EFNA5: variants seen among roughly 807,000 people sequenced by gnomAD.
EFNA5 encodes the protein ephrin A5, also known as ephrin-A5.
EFNA5 carries 5 observed loss-of-function variants against 22.9 expected under a neutral mutation model. The ratio of observed to expected loss-of-function variants is 0.22; its 90% CI spans 0.11 to 0.46. The LOEUF (loss-of-function observed/expected upper bound fraction) is 0.46. Among genes scored for constraint, EFNA5 ranks in the 20% least tolerant of loss-of-function variants. The pLI is 0.99. For missense variants in EFNA5, 237 were observed against 293.3 expected, an observed-to-expected ratio of 0.81 and a Z score of 1.40; for synonymous variants, 113 against 112.2, an observed-to-expected ratio of 1.01 and a Z score of -0.04.
intron 2 of EFNA5, among the ~76,000 whole-genome samples, chr5:107,403,773 T>A (rs2112392280): frequency 6.6e-6 from 1 of 152,328 alleles, no homozygotes; most frequent in African/African-American, 2.4e-5. Context: ...CTTTCAAATT[T>A]TAATCATGAG....
At chr5:107,505,171 T>C (rs1221969844) in intron 1 of EFNA5, among the ~76,000 whole-genome samples, 1 of 152,180 alleles carries the variant, frequency 6.6e-6, no homozygotes, top group Non-Finnish European at 1.5e-5. Flanking sequence ...AGTAAAAATA[T>C]TCGTAGTTTA....
chr5:107,399,497 G>A (rs1018663905), intron 2 of EFNA5, among the ~76,000 whole-genome samples: 1 of 152,162 alleles, frequency 6.6e-6, no homozygotes, highest in Non-Finnish European at 1.5e-5. Context: ...GATAGCTTGG[G>A]TACAGGTTGC....
chr5:107,421,429 A>T (rs1748662372), intron 2 of EFNA5, among the ~76,000 whole-genome samples: 1 of 152,212 alleles, frequency 6.6e-6, no homozygotes, highest in African/African-American at 2.4e-5. Flanking sequence ...CAAGTGTGCA[A>T]TCGTAATTCA....
At chr5:107,657,010 T>C (rs971368857) in intron 1 of EFNA5, among the ~76,000 whole-genome samples, 3 of 152,070 alleles carry the variant, frequency 2.0e-5, no homozygotes, top group African/African-American at 7.2e-5. Flanking sequence ...AACAAAAAAG[T>C]ACATAAACAC....
In EFNA5 at chr5:107,600,809, T is replaced by C. The variant is rs1357100750; in HGVS notation, c.125+69680A>G. Reference sequence around the variant, plus strand: ...AGCCAAAAATGTTTCTCTCTTAATATACAATTCTGAAGTATGTTTAATCTG... The same window carrying C: ...AGCCAAAAATGTTTCTCTCTTAATACACAATTCTGAAGTATGTTTAATCTG... On this transcript the variant is annotated intron_variant, in intron 1 of 4. Transcript: ENST00000333274. Among the ~76,000 whole-genome samples the C allele has an allele frequency of 2.6e-5, 4 of 152,148 alleles. No individual in the cohort carries two copies. In the East Asian group the frequency reaches 7.7e-4, roughly 29 times the overall value.
intron 1 of EFNA5, among the ~76,000 whole-genome samples, chr5:107,534,117 T>C (rs1295997593): frequency 2.0e-5 from 3 of 152,276 alleles, no homozygotes; most frequent in Non-Finnish European, 2.9e-5. Flanking sequence ...GCTTGAATTC[T>C]GATCTCCAAA....
chr5:107,437,085 C>A (rs997704690), intron 1 of EFNA5, among the ~76,000 whole-genome samples: 1 of 152,212 alleles, frequency 6.6e-6, no homozygotes, highest in East Asian at 1.9e-4. Context: ...TCATTACAAT[C>A]TAAATCTGAA....
intron 2 of EFNA5, among the ~76,000 whole-genome samples, chr5:107,425,285 T>C (rs764367822): frequency 6.6e-6 from 1 of 152,226 alleles, no homozygotes; most frequent in African/African-American, 2.4e-5. Context: ...AACTAGTTAG[T>C]TAGTGGGTAT....
At chr5:107,458,889 G>A (rs992451524) in intron 1 of EFNA5, among the ~76,000 whole-genome samples, 2 of 152,034 alleles carry the variant, frequency 1.3e-5, no homozygotes, top group Non-Finnish European at 2.9e-5. Context: ...GAAAACTTCA[G>A]GATATTGCTG....
chr5:107,465,588 T>G (rs1418770548), intron 1 of EFNA5, among the ~76,000 whole-genome samples: 1 of 152,132 alleles, frequency 6.6e-6, no homozygotes, highest in Admixed American at 6.5e-5. Context: ...AAGTCCAACA[T>G]AATTGAAAAT....
chr5:107,456,110 G>C (rs1263088266), intron 1 of EFNA5, among the ~76,000 whole-genome samples: 1 of 152,126 alleles, frequency 6.6e-6, no homozygotes, highest in Non-Finnish European at 1.5e-5. Context: ...CTGGTGAATG[G>C]TTACAGGTCC....
At chr5:107,594,155 G>A (rs948351024) in intron 1 of EFNA5, among the ~76,000 whole-genome samples, 1 of 152,098 alleles carries the variant, frequency 6.6e-6, no homozygotes, top group African/African-American at 2.4e-5. Flanking sequence ...ATTCATCTGT[G>A]CTAAAAATGC....
At chr5:107,470,237 C>T (rs1580473370) in intron 1 of EFNA5, among the ~76,000 whole-genome samples, 1 of 152,306 alleles carries the variant, frequency 6.6e-6, no homozygotes, top group Non-Finnish European at 1.5e-5. Flanking sequence ...CAGTGAGGGT[C>T]CTGGGAACAC....
intron 1 of EFNA5, among the ~76,000 whole-genome samples, chr5:107,611,751 G>A (rs1749822488): frequency 6.6e-6 from 1 of 152,180 alleles, no homozygotes; most frequent in African/African-American, 2.4e-5. Context: ...TATTGGTGAG[G>A]CAGCAGGCCA....
chr5:107,551,574 C>T (rs541877019), intron 1 of EFNA5, among the ~76,000 whole-genome samples: 4 of 152,104 alleles, frequency 2.6e-5, no homozygotes, highest in African/African-American at 4.8e-5. Context: ...TAGAGACCCA[C>T]GTGCCTGGAG....
chr5:107,398,662 C>T (rs770515708), intron 2 of EFNA5, among the ~76,000 whole-genome samples: 23 of 151,650 alleles, frequency 1.5e-4, no homozygotes, highest in Admixed American at 7.9e-4. Flanking sequence ...GCCTGGGCAA[C>T]GTGGCAAGAC....
chr5:107,471,596 C>T (rs1750143086), intron 1 of EFNA5, among the ~76,000 whole-genome samples: 1 of 152,178 alleles, frequency 6.6e-6, no homozygotes, highest in Admixed American at 6.6e-5. Context: ...ATGATAGAAA[C>T]ATTAATCCTC....
intron 1 of EFNA5, among the ~76,000 whole-genome samples, chr5:107,505,450 C>G (rs1238059147): frequency 6.6e-6 from 1 of 152,118 alleles, no homozygotes; most frequent in African/African-American, 2.4e-5. Context: ...GAAATCTGGA[C>G]AGCTGGAAAT....
intron 2 of EFNA5, among the ~76,000 whole-genome samples, chr5:107,416,636 T>C (rs252984): frequency 0.79 from 119,828 of 152,142 alleles, 47,587 homozygotes; most frequent in Non-Finnish European, 0.81. Flanking sequence ...AGTTATTAGT[T>C]AAAGCATGAG....
Sources: allele counts gnomAD v4.1 joint callset (sites outside exome capture counted in the v4.1 genomes callset), GRCh38; gene constraint gnomAD v4.1.1; transcripts MANE v1.5; gene names NCBI Gene and HGNC (gene_info 2026-07-23, HGNC 2026-07-21).